PTPRK: variants seen among roughly 807,000 people sequenced by gnomAD.
The protein encoded by PTPRK is protein tyrosine phosphatase receptor type K.
PTPRK carries 75 observed loss-of-function variants against 178.0 expected under a neutral mutation model. The observed-to-expected ratio is 0.42, with a 90% CI of 0.35 to 0.51. The LOEUF is 0.51. Among genes scored for constraint, PTPRK ranks in the 20% least tolerant of loss-of-function variants. The probability of loss-of-function intolerance (pLI) is 0.02; values close to 1 mark genes in which losing one functional copy is unlikely to be tolerated. For missense variants in PTPRK, 1,441 were observed against 1,797.8 expected (o/e 0.80, Z 3.59); for synonymous variants, 637 against 620.6 (o/e 1.03, Z -0.39).
intron 13 of PTPRK, among the ~76,000 whole-genome samples, chr6:128,050,125 A>G (rs1165044798): frequency 6.8e-6 from 1 of 146,984 alleles, no homozygotes; most frequent in East Asian, 1.9e-4. Flanking sequence ...AACAACAGTG[A>G]AATTCCGCCT....
chr6:128,055,700 A>G (rs897196977), intron 13 of PTPRK, among the ~76,000 whole-genome samples: 1 of 152,136 alleles, frequency 6.6e-6, no homozygotes, highest in Non-Finnish European at 1.5e-5. Flanking sequence ...CCTGGGCTCA[A>G]ATGATCACCC....
intron 1 of PTPRK, among the ~76,000 whole-genome samples, chr6:128,443,799 T>C (rs942829004): frequency 2.6e-5 from 4 of 152,132 alleles, no homozygotes; most frequent in African/African-American, 7.2e-5. Context: ...AATAGAGATA[T>C]GGAAAGAGTG....
At chr6:128,136,474 TCTTA>T (rs1795031449) in intron 7 of PTPRK, among the ~76,000 whole-genome samples, 1 of 152,090 alleles carries the variant, frequency 6.6e-6, no homozygotes, top group African/African-American at 2.4e-5. Context: ...ATCCTTAGGC[TCTTA>T]CTTTTGATTC....
Position 128,240,636 on chromosome 6 carries a change from A to C in PTPRK, c.578-486T>G, listed in dbSNP as rs553079840. On this transcript the variant is annotated intron_variant, in intron 4 of 29. Coordinates refer to ENST00000368226, the MANE Select transcript of PTPRK (RefSeq NM_002844.4). ...GCAGTTAGATCTTTTTTTAAAAAAA[A>C]CATCAATAGTTATAACCCTCTACAG... Among the ~76,000 whole-genome samples the C allele has an allele frequency of 5.8e-4, 88 of 152,294 alleles. 1 individual carries two copies. Among genetic ancestry groups the C allele is most frequent in the South Asian group, 2.1e-4 (1 of 4,822 alleles).
intron 1 of PTPRK, among the ~76,000 whole-genome samples, chr6:128,410,929 T>C (rs140270488): frequency 6.6e-6 from 1 of 152,290 alleles, no homozygotes; most frequent in East Asian, 1.9e-4. Context: ...CTTTGTTCTG[T>C]CGCCCAGACT....
intron 1 of PTPRK, among the ~76,000 whole-genome samples, chr6:128,434,428 C>T (rs1202255716): frequency 6.6e-6 from 1 of 152,084 alleles, no homozygotes; most frequent in Non-Finnish European, 1.5e-5. Context: ...ATACACAACA[C>T]CCGGGGCAAT....
At chr6:128,376,636 C>T (rs967337736) in intron 2 of PTPRK, among the ~76,000 whole-genome samples, 3 of 152,188 alleles carry the variant, frequency 2.0e-5, no homozygotes, top group African/African-American at 7.2e-5. Context: ...TGAATTTCTA[C>T]TCAGAAAATG....
At chr6:128,073,591 G>A (rs376010245) in intron 11 of PTPRK, among the ~76,000 whole-genome samples, 1 of 151,930 alleles carries the variant, frequency 6.6e-6, no homozygotes, top group African/African-American at 2.4e-5. Context: ...GCTTCAGTGG[G>A]TCAGGAATTC....
intron 1 of PTPRK, among the ~76,000 whole-genome samples, chr6:128,422,827 C>T (rs1389165219): frequency 6.6e-6 from 1 of 151,968 alleles, no homozygotes; most frequent in Non-Finnish European, 1.5e-5. Flanking sequence ...AAAATGACTC[C>T]TCTTCATTCC....
chr6:128,228,659 CA>C (rs67092827), intron 5 of PTPRK, among the ~76,000 whole-genome samples: 100,793 of 111,584 alleles, frequency 0.9, 45,205 homozygotes, highest in East Asian at 0.98. Flanking sequence ...GACTCCATCT[CA>C]AAAAAAAAAA....
intron 4 of PTPRK, among the ~76,000 whole-genome samples, 173 bp downstream of exon 4, chr6:128,242,348 G>C (rs1321844028): frequency 6.6e-6 from 1 of 152,138 alleles, no homozygotes; most frequent in Non-Finnish European, 1.5e-5. Context: ...AAAAATATTT[G>C]ATTCAAAAAC....
At chr6:128,379,574 A>C (rs563839947) in intron 2 of PTPRK, among the ~76,000 whole-genome samples, 1 of 152,322 alleles carries the variant, frequency 6.6e-6, no homozygotes, top group South Asian at 2.1e-4. Context: ...ATGTGGTGTA[A>C]GTGCTAGAGT....
At chr6:128,109,417 A>G (rs1240318664) in intron 7 of PTPRK, among the ~76,000 whole-genome samples, 1 of 152,142 alleles carries the variant, frequency 6.6e-6, no homozygotes, top group Admixed American at 6.6e-5. Flanking sequence ...TTTAAACTTA[A>G]TACTCTTTTC....
At chr6:127,974,500 G>A (rs1003909846) in intron 27 of PTPRK, among the ~76,000 whole-genome samples, 2 of 152,152 alleles carry the variant, frequency 1.3e-5, no homozygotes, top group Non-Finnish European at 2.9e-5. Flanking sequence ...CTTGTCCCAG[G>A]TTGGCCTGGG....
chr6:128,482,631 C>T (rs1325744372), intron 1 of PTPRK, among the ~76,000 whole-genome samples: 2 of 152,110 alleles, frequency 1.3e-5, no homozygotes, highest in Non-Finnish European at 2.9e-5. Flanking sequence ...CACAGAAAAG[C>T]GCCTCAAAAG....
At chr6:128,269,409 G>C (rs960035451) in intron 3 of PTPRK, among the ~76,000 whole-genome samples, 1 of 152,010 alleles carries the variant, frequency 6.6e-6, no homozygotes, top group South Asian at 2.1e-4. Flanking sequence ...GTCTATGACA[G>C]AGATAGCTAC....
chr6:128,019,397 G>A (rs1413748228), intron 13 of PTPRK, among the ~76,000 whole-genome samples: 2 of 152,028 alleles, frequency 1.3e-5, no homozygotes, highest in African/African-American at 2.4e-5. Flanking sequence ...CTAACAAAAA[G>A]AAAGGAAAAG....
chr6:128,065,449 A>G (rs1359052417), intron 12 of PTPRK, among the ~76,000 whole-genome samples: 4 of 152,312 alleles, frequency 2.6e-5, no homozygotes, highest in African/African-American at 9.6e-5. Context: ...GTCAGGTGGC[A>G]GTAGGAGACA....
chr6:128,233,403 G>A (rs960799214), intron 5 of PTPRK, among the ~76,000 whole-genome samples: 4 of 152,216 alleles, frequency 2.6e-5, no homozygotes, highest in East Asian at 3.9e-4. Flanking sequence ...GACAGGTAAC[G>A]CACTATGTGG....
Sources: gnomAD v4.1 joint callset for allele counts (sites outside exome capture counted in the v4.1 genomes callset) on GRCh38, gnomAD v4.1.1 for gene constraint, MANE v1.5 for transcripts, NCBI Gene and HGNC (gene_info 2026-07-23, HGNC 2026-07-21) for gene names.